Variants in MEIKIN observed in about 807,000 individuals in gnomAD.
MEIKIN encodes meiosis-specific kinetochore protein.
At chr5:131,813,529 C>A (rs1328166104) in intron 12 of MEIKIN, among the ~76,000 whole-genome samples, 1 of 151,746 alleles carries the variant, frequency 6.6e-6, no homozygotes, top group South Asian at 2.1e-4. Context: ...CGGGTTCACG[C>A]CATTCTCCTG....
chr5:131,839,027 G>T (rs1196691541), intron 11 of MEIKIN, among the ~76,000 whole-genome samples: 1 of 152,080 alleles, frequency 6.6e-6, no homozygotes, highest in African/African-American at 2.4e-5. Context: ...CCTTAGCCGT[G>T]TCCTAGAGAT....
chr5:131,871,265 A>G (rs1369443474), intron 9 of MEIKIN, among the ~76,000 whole-genome samples: 1 of 152,238 alleles, frequency 6.6e-6, no homozygotes, highest in Non-Finnish European at 1.5e-5. Context: ...GAAAGGGGTG[A>G]CAGACGGCAC....
chr5:131,832,596 T>A (rs1229410495), intron 11 of MEIKIN, among the ~76,000 whole-genome samples: 1 of 152,200 alleles, frequency 6.6e-6, no homozygotes, highest in Non-Finnish European at 1.5e-5. Context: ...CAACCCCACA[T>A]TTCCCTTCTG....
chr5:131,892,888 T>G (rs976689700), intron 8 of MEIKIN, among the ~76,000 whole-genome samples: 1 of 152,024 alleles, frequency 6.6e-6, no homozygotes, highest in Admixed American at 6.6e-5. Context: ...TACAGATGGG[T>G]TTTTGGTGCG....
At chr5:131,855,796 G>C (rs755833617) in intron 9 of MEIKIN, among the ~76,000 whole-genome samples, 6 of 152,202 alleles carry the variant, frequency 3.9e-5, no homozygotes. Context: ...CAGAGCTTGA[G>C]ACTGCAAGAG....
At position 131,888,078 on chromosome 5, in the gene MEIKIN, A is replaced by G. The variant is rs556038005; in HGVS notation, c.704-9030T>C. On this transcript the variant is annotated intron_variant, in intron 8 of 12. Coordinates refer to ENST00000442687, the MANE Select transcript of MEIKIN (RefSeq NM_001303622.2). ...GGCTGCATAGTATTCCATGGTATAT[A>G]TGCGCCACATTTTCTTAATCCAGTC... Among the ~76,000 whole-genome samples, 16 of 145,268 alleles carry G rather than the reference A, an allele frequency of 1.1e-4. No homozygotes were observed. In the East Asian group the frequency reaches 3.2e-3, roughly 29 times the overall value.
chr5:131,855,654 C>T (rs538375493), intron 9 of MEIKIN, among the ~76,000 whole-genome samples: 107 of 151,216 alleles, frequency 7.1e-4, no homozygotes, highest in Middle Eastern at 3.4e-3. Context: ...AAGAGGAAGA[C>T]CAAGAGAAGG....
intron 4 of MEIKIN, among the ~76,000 whole-genome samples, chr5:131,939,536 A>G (rs913341633): frequency 3.9e-5 from 6 of 152,198 alleles, no homozygotes; most frequent in Non-Finnish European, 8.8e-5. Context: ...GGGTTTCAGA[A>G]AAGAGAAGTA....
intron 8 of MEIKIN, among the ~76,000 whole-genome samples, chr5:131,881,551 C>T (rs1384782935): frequency 1.3e-5 from 2 of 152,130 alleles, no homozygotes; most frequent in African/African-American, 2.4e-5. Flanking sequence ...ACTCCAAATA[C>T]GTATCCATAG....
intron 6 of MEIKIN, among the ~76,000 whole-genome samples, chr5:131,920,000 G>A (rs1447803750): frequency 6.6e-6 from 1 of 152,172 alleles, no homozygotes; most frequent in Non-Finnish European, 1.5e-5. Flanking sequence ...ATATGCTAAG[G>A]GAGGTGGGGA....
At chr5:131,834,713 G>C (rs1246446585) in intron 11 of MEIKIN, among the ~76,000 whole-genome samples, 1 of 152,104 alleles carries the variant, frequency 6.6e-6, no homozygotes, top group African/African-American at 2.4e-5. Context: ...TCTGTCAATG[G>C]ACACTTGTGT....
intron 9 of MEIKIN, among the ~76,000 whole-genome samples, chr5:131,860,886 T>G (rs192592055): frequency 3.4e-5 from 5 of 146,554 alleles, no homozygotes; most frequent in Admixed American, 2.8e-4. Context: ...CTCAGCCTCC[T>G]GAGTAGCTGG....
At chr5:131,875,897 G>T (rs1198661343) in intron 9 of MEIKIN, among the ~76,000 whole-genome samples, 1 of 152,112 alleles carries the variant, frequency 6.6e-6, no homozygotes, top group East Asian at 1.9e-4. Flanking sequence ...AATGGGGAAA[G>T]GATTCGCTAT....
intron 10 of MEIKIN, among the ~76,000 whole-genome samples, chr5:131,851,778 CA>C (rs1750119340): frequency 6.6e-6 from 1 of 152,008 alleles, no homozygotes; most frequent in African/African-American, 2.4e-5. Context: ...TAAAAATTTC[CA>C]AAAAAGATGA....
At position 131,843,765 on chromosome 5, in the gene MEIKIN, A is replaced by G. The variant is rs982549403; in HGVS notation, c.975+7499T>C. Among the ~76,000 whole-genome samples, 44 of 152,178 alleles carry G rather than the reference A, an allele frequency of 2.9e-4. 2 individuals carry two copies. The highest frequency in any genetic ancestry group is 2.9e-5 in the Non-Finnish European group (2 of 68,030). ...TCCAGGAAGTTCCAAACCTTCCCTC[A>G]TGTTCCTGTCTTCTTCTGAGCCCTC... is the stretch of plus-strand genomic sequence containing the variant. On this transcript the variant is annotated intron_variant, in intron 11 of 12. Coordinates refer to ENST00000442687, the MANE Select transcript of MEIKIN (RefSeq NM_001303622.2).
intron 9 of MEIKIN, among the ~76,000 whole-genome samples, chr5:131,856,998 G>A (rs1259021788): frequency 6.6e-6 from 1 of 150,416 alleles, no homozygotes; most frequent in Non-Finnish European, 1.5e-5. Context: ...GGGTACATGT[G>A]CACAACGTGC....
chr5:131,912,789 A>G (rs1751351191), intron 7 of MEIKIN, among the ~76,000 whole-genome samples: 1 of 152,172 alleles, frequency 6.6e-6, no homozygotes, highest in African/African-American at 2.4e-5. Flanking sequence ...AGTTCAGTGT[A>G]ATATTACAAA....
At position 131,864,995 on chromosome 5, in the gene MEIKIN, G is replaced by T. The variant is rs1231399705; in HGVS notation, c.775-10161C>A. ...GAGATTCTTTCCTCTGTTTGATTTA[G>T]TCTATTGTTGAATCTTTTGAGTGTA... On this transcript the variant is annotated intron_variant, in intron 9 of 12. Coordinates refer to ENST00000442687, the MANE Select transcript of MEIKIN (RefSeq NM_001303622.2). Among the ~76,000 whole-genome samples, 4 of 152,048 alleles carry T rather than the reference G, an allele frequency of 2.6e-5. No homozygotes were observed. In the South Asian group the frequency reaches 8.3e-4, roughly 32 times the overall value.
chr5:131,891,193 G>A (rs562218919), intron 8 of MEIKIN, among the ~76,000 whole-genome samples: 1 of 152,222 alleles, frequency 6.6e-6, no homozygotes, highest in Non-Finnish European at 1.5e-5. Context: ...TGTATATTCT[G>A]TTGATTTGGG....
Sources: allele counts gnomAD v4.1 joint callset (sites outside exome capture counted in the v4.1 genomes callset), GRCh38; gene constraint gnomAD v4.1.1; transcripts MANE v1.5; gene names NCBI Gene and HGNC (gene_info 2026-07-23, HGNC 2026-07-21).